The following STXBP5L variants were observed in gnomAD, a reference collection of about 807,000 sequenced individuals.
The protein encoded by STXBP5L is syntaxin-binding protein 5-like.
A neutral mutation model predicts 144.5 loss-of-function variants in STXBP5L; 65 were observed. The observed-to-expected ratio is 0.45, with a 90% CI of 0.37 to 0.55. The LOEUF (loss-of-function observed/expected upper bound fraction) is 0.55, where lower values mean the gene tolerates loss of function less well. Among genes scored for constraint, STXBP5L ranks in the 20% least tolerant of loss-of-function variants. The pLI is 0.00. For synonymous variants in STXBP5L, 505 were observed against 469.6 expected (o/e 1.08, Z -0.97); for missense variants, 1,298 against 1,405.5 (o/e 0.92, Z 1.22).
At chr3:121,063,443 G>T (rs919518975) in intron 5 of STXBP5L, among the ~76,000 whole-genome samples, 7 of 152,192 alleles carry the variant, frequency 4.6e-5, no homozygotes, top group African/African-American at 1.4e-4. Context: ...ACCCCTGCTG[G>T]GAGGTGTCTC....
chr3:121,112,792 T>C (rs61795519), intron 5 of STXBP5L, among the ~76,000 whole-genome samples: 6,298 of 152,220 alleles, frequency 0.041, 198 homozygotes, highest in Non-Finnish European at 0.06. Context: ...ATCTATCAGG[T>C]AGTGGTGGTA....
At chr3:121,302,534 T>A (rs1395088544) in intron 19 of STXBP5L, among the ~76,000 whole-genome samples, 2 of 152,208 alleles carry the variant, frequency 1.3e-5, no homozygotes, top group Non-Finnish European at 1.5e-5. Flanking sequence ...TTTTTATGTC[T>A]CTATCTCTTT....
In STXBP5L at chr3:121,381,436, G is replaced by A. The variant is rs17740066; in HGVS notation, c.2491G>A (p.Val831Ile). Residue 831 changes from valine (V) to isoleucine (I), a missense_variant, in exon 22 of 27, where the codon GTT becomes ATT. Transcript: ENST00000471454. ...NDSTISPCLF[V>I]GTSLGMVLII... is the part of the protein sequence containing the mutation. Reference sequence around the variant, plus strand: ...CTCTACCATCTCTCCTTGTCTGTTCGTTGGAACCAGTCTGGGAATGGTGTT... The same window carrying A: ...CTCTACCATCTCTCCTTGTCTGTTCATTGGAACCAGTCTGGGAATGGTGTT... The A allele has an allele frequency of 0.097, 156,013 of 1,605,206 alleles. 8,433 individuals are homozygous for A. The highest frequency in any genetic ancestry group is 0.15 in the Admixed American group (8,788 of 56,954).
At chr3:121,349,753 T>C (rs1028243994) in intron 20 of STXBP5L, among the ~76,000 whole-genome samples, 3 of 152,110 alleles carry the variant, frequency 2.0e-5, no homozygotes, top group African/African-American at 7.3e-5. Flanking sequence ...GTTTAAAGTC[T>C]GTTTTATCAG....
chr3:121,151,882 T>G (rs1301837216), intron 7 of STXBP5L, among the ~76,000 whole-genome samples: 1 of 152,080 alleles, frequency 6.6e-6, no homozygotes. Context: ...CATATTATAA[T>G]CATGATATGT....
At chr3:121,361,751 A>G (rs76264251) in intron 20 of STXBP5L, among the ~76,000 whole-genome samples, 3,937 of 151,758 alleles carry the variant, frequency 0.026, 182 homozygotes, top group African/African-American at 0.09. Flanking sequence ...TGAGTTCTCT[A>G]TATGAAAGGT....
At chr3:121,268,376 A>G (rs1216428674) in intron 18 of STXBP5L, among the ~76,000 whole-genome samples, 1 of 152,038 alleles carries the variant, frequency 6.6e-6, no homozygotes, top group Non-Finnish European at 1.5e-5. Context: ...GGACACAGGG[A>G]GGGGAACATC....
intron 3 of STXBP5L, among the ~76,000 whole-genome samples, chr3:120,961,323 G>A (rs186342668): frequency 5.8e-4 from 87 of 148,766 alleles, no homozygotes; most frequent in Middle Eastern, 7.2e-3. Flanking sequence ...CGTGCACAAC[G>A]TGCAGGTTTG....
intron 7 of STXBP5L, among the ~76,000 whole-genome samples, chr3:121,129,271 A>T (rs2044859813): frequency 6.6e-6 from 1 of 152,028 alleles, no homozygotes; most frequent in Non-Finnish European, 1.5e-5. Flanking sequence ...AGGAAAATGG[A>T]ATCTCCTGAA....
rs572736653 is a variant in STXBP5L, at chr3:120,921,140, A to G, written c.189+11373A>G. Among the ~76,000 whole-genome samples the G allele has an allele frequency of 8.6e-5, 13 of 151,922 alleles. 1 individual carries two copies. The South Asian group carries it at 2.3e-3, about 27-fold the overall frequency. On this transcript the variant is annotated intron_variant, in intron 2 of 26. Transcript: ENST00000471454. ...CTCCACATCCTTGCCAGCATTCATT[A>G]TTACCTGTCTCTTTTATAAAAGCCA...
chr3:121,167,132 G>A (rs1182261146), intron 9 of STXBP5L, among the ~76,000 whole-genome samples: 2 of 151,978 alleles, frequency 1.3e-5, no homozygotes, highest in Non-Finnish European at 2.9e-5. Context: ...AAAATAGAGG[G>A]TCCTCCAGAA....
Position 121,259,044 on chromosome 3 carries a change from G to C in STXBP5L, c.1834G>C (p.Val612Leu). ...ATAGGATTGTTTTTGTTCTTAAAGT[G>C]TGAAGACACGGCCAGTGCGAATGCC... ...VTKDSIPCLN[V>L]KTRPVRMPPG... The change falls in exon 18 of 27, where the codon GTG (valine) becomes CTG (leucine). Residue 612 changes from valine (V) to leucine (L), a missense_variant and splice_region_variant. Val to Leu is a conservative substitution (Grantham distance 32). Transcript: ENST00000471454. The C allele has an allele frequency of 2.5e-6, 4 of 1,593,486 alleles. No homozygotes were observed. Among genetic ancestry groups the C allele is most frequent in the Non-Finnish European group, 3.4e-6 (4 of 1,168,720 alleles).
At chr3:120,913,841 A>C (rs1708975905) in intron 2 of STXBP5L, among the ~76,000 whole-genome samples, 2 of 152,070 alleles carry the variant, frequency 1.3e-5, no homozygotes, top group Non-Finnish European at 2.9e-5. Context: ...TGCCTGGCCC[A>C]TTGAAGGCAG....
intron 19 of STXBP5L, among the ~76,000 whole-genome samples, chr3:121,307,958 A>G (rs1344088071): frequency 6.6e-6 from 1 of 152,218 alleles, no homozygotes; most frequent in Non-Finnish European, 1.5e-5. Flanking sequence ...GACTTGTCAC[A>G]TACATGGAAC....
chr3:120,921,621 G>A (rs1379129038), intron 2 of STXBP5L, among the ~76,000 whole-genome samples: 5 of 151,980 alleles, frequency 3.3e-5, no homozygotes, highest in Non-Finnish European at 4.4e-5. Context: ...TTAGATTTAA[G>A]TCTTTAATCA....
At chr3:120,970,042 GAAGAAAAGTATTAT>G (rs1559927899) in intron 3 of STXBP5L, among the ~76,000 whole-genome samples, 1 of 151,988 alleles carries the variant, frequency 6.6e-6, no homozygotes. Context: ...ATTGCATAGA[GAAGAAAAGTATTAT>G]AAGAAAACCA....
intron 3 of STXBP5L, among the ~76,000 whole-genome samples, chr3:121,012,143 ATTTT>A (rs1213548710): frequency 1.3e-5 from 2 of 151,810 alleles, no homozygotes; most frequent in Admixed American, 1.3e-4. Context: ...TCAATACTTG[ATTTT>A]TTTATTGGCA....
chr3:121,332,642 A>T (rs966558377), intron 20 of STXBP5L, among the ~76,000 whole-genome samples: 8 of 152,124 alleles, frequency 5.3e-5, no homozygotes, highest in Non-Finnish European at 8.8e-5. Context: ...CCAAACTTAA[A>T]AATCACTGGT....
chr3:121,206,065 T>C (rs955772897), intron 10 of STXBP5L, 64 bp downstream of exon 10: 30 of 939,696 alleles, frequency 3.2e-5, no homozygotes, highest in Non-Finnish European at 4.3e-5. Flanking sequence ...AGATGACCTT[T>C]AATGTTAAGA....
Sources: allele counts gnomAD v4.1 joint callset (sites outside exome capture counted in the v4.1 genomes callset), GRCh38; gene constraint gnomAD v4.1.1; transcripts MANE v1.5; gene names NCBI Gene and HGNC (gene_info 2026-07-23, HGNC 2026-07-21).